HS3ST3A1: variants seen among roughly 807,000 people sequenced by gnomAD.
HS3ST3A1 encodes heparan sulfate glucosamine 3-O-sulfotransferase 3A1.
Under a neutral mutation model 25.7 loss-of-function variants are expected in HS3ST3A1, and 19 were observed. The observed-to-expected ratio is 0.74, with a 90% CI of 0.52 to 1.08. The LOEUF (loss-of-function observed/expected upper bound fraction) is 1.08. Ranked by LOEUF, HS3ST3A1 falls within the 50% of genes least tolerant of loss-of-function variation. The probability of loss-of-function intolerance (pLI) is 0.00; values close to 1 mark genes in which losing one functional copy is unlikely to be tolerated. For missense variants in HS3ST3A1, 459 were observed against 594.3 expected (o/e 0.77, Z 2.37); for synonymous variants, 226 against 278.6 (o/e 0.81, Z 1.88).
At chr17:13,569,098 T>C (rs1907741791) in intron 1 of HS3ST3A1, among the ~76,000 whole-genome samples, 1 of 152,160 alleles carries the variant, frequency 6.6e-6, no homozygotes, top group Non-Finnish European at 1.5e-5. Context: ...GCTTTATGTA[T>C]AGGCATGGTT....
rs375335194 is a variant in HS3ST3A1, at chr17:13,522,971, A to G, written c.600-26153T>C. Among the ~76,000 whole-genome samples the G allele has an allele frequency of 2.4e-4, 36 of 152,108 alleles. 1 individual carries two copies. Among genetic ancestry groups the G allele is most frequent in the African/African-American group, 8.7e-4 (36 of 41,426 alleles). ...GAAGTGGAGCTTTATCCAGAGTGGT[A>G]AAGCTAAAACAGACAGCTAGGGTGA... On this transcript the variant is annotated intron_variant, in intron 1 of 1. Coordinates refer to ENST00000284110, the MANE Select transcript of HS3ST3A1 (RefSeq NM_006042.3).
chr17:13,592,618 G>T (rs1392407540), intron 1 of HS3ST3A1, among the ~76,000 whole-genome samples: 1 of 152,310 alleles, frequency 6.6e-6, no homozygotes, highest in Non-Finnish European at 1.5e-5. Context: ...ATCCAATAAA[G>T]ATAAGTGAAT....
At chr17:13,578,053 G>A (rs1222310173) in intron 1 of HS3ST3A1, among the ~76,000 whole-genome samples, 2 of 152,042 alleles carry the variant, frequency 1.3e-5, no homozygotes, top group African/African-American at 4.8e-5. Flanking sequence ...CATTTTTTCT[G>A]CTGAGAAGTT....
chr17:13,533,455 AC>A (rs368122400), intron 1 of HS3ST3A1, among the ~76,000 whole-genome samples: 153 of 139,722 alleles, frequency 1.1e-3, no homozygotes, highest in African/African-American at 3.8e-3. Flanking sequence ...GAGTTCCCAG[AC>A]CTTTAAAGGG....
intron 1 of HS3ST3A1, among the ~76,000 whole-genome samples, chr17:13,529,416 T>C (rs1319022997): frequency 6.6e-6 from 1 of 152,118 alleles, no homozygotes; most frequent in Non-Finnish European, 1.5e-5. Context: ...AGACCATCCA[T>C]CCTAAGGAAG....
intron 1 of HS3ST3A1, among the ~76,000 whole-genome samples, chr17:13,561,552 C>T (rs921763087): frequency 2.6e-5 from 4 of 152,074 alleles, no homozygotes; most frequent in African/African-American, 7.2e-5. Flanking sequence ...TATTACCATG[C>T]CCTGCTAATT....
At chr17:13,564,501 C>T (rs1056358511) in intron 1 of HS3ST3A1, among the ~76,000 whole-genome samples, 1 of 152,138 alleles carries the variant, frequency 6.6e-6, no homozygotes, top group African/African-American at 2.4e-5. Flanking sequence ...CTACACACAT[C>T]CTCCTGTATA....
intron 1 of HS3ST3A1, among the ~76,000 whole-genome samples, chr17:13,525,202 T>C (rs1202134675): frequency 6.6e-6 from 1 of 152,228 alleles, no homozygotes; most frequent in Non-Finnish European, 1.5e-5. Context: ...TCACAGATTC[T>C]TATTCCTCCT....
At chr17:13,569,563 C>A (rs149956059) in intron 1 of HS3ST3A1, among the ~76,000 whole-genome samples, 1 of 152,336 alleles carries the variant, frequency 6.6e-6, no homozygotes, top group Non-Finnish European at 1.5e-5. Flanking sequence ...ACAAAGCCTG[C>A]ATGAATCAGG....
At chr17:13,568,988 C>T (rs1907739101) in intron 1 of HS3ST3A1, among the ~76,000 whole-genome samples, 1 of 152,238 alleles carries the variant, frequency 6.6e-6, no homozygotes, top group African/African-American at 2.4e-5. Flanking sequence ...TGTCCAAAAG[C>T]CTACAGAGAG....
chr17:13,502,728 G>T (rs769319758), intron 1 of HS3ST3A1, among the ~76,000 whole-genome samples: 8 of 152,152 alleles, frequency 5.3e-5, no homozygotes, highest in Non-Finnish European at 1.2e-4. Context: ...CTTGGCATTT[G>T]CCTCTGGCTA....
intron 1 of HS3ST3A1, among the ~76,000 whole-genome samples, chr17:13,517,648 T>TTTA (rs1176389475): frequency 3.3e-5 from 5 of 152,190 alleles, no homozygotes; most frequent in African/African-American, 1.2e-4. Flanking sequence ...GTAAATTTAT[T>TTTA]TTATTATTAT....
intron 1 of HS3ST3A1, among the ~76,000 whole-genome samples, chr17:13,564,998 A>G (rs987053742): frequency 2.6e-5 from 4 of 152,138 alleles, no homozygotes; most frequent in African/African-American, 9.7e-5. Context: ...CTGGGATTAC[A>G]GACATGAGCC....
chr17:13,538,347 T>G (rs1906829719), intron 1 of HS3ST3A1, among the ~76,000 whole-genome samples: 1 of 152,256 alleles, frequency 6.6e-6, no homozygotes, highest in African/African-American at 2.4e-5. Context: ...ACAGAAGTGA[T>G]CTGACCATTT....
intron 1 of HS3ST3A1, among the ~76,000 whole-genome samples, chr17:13,498,716 C>A (rs1325046607): frequency 6.6e-6 from 1 of 152,128 alleles, no homozygotes; most frequent in Non-Finnish European, 1.5e-5. Flanking sequence ...CCCTTTTTGT[C>A]CAGTCATATT....
At chr17:13,582,240 T>G (rs113493945) in intron 1 of HS3ST3A1, among the ~76,000 whole-genome samples, 21 of 152,228 alleles carry the variant, frequency 1.4e-4, no homozygotes, top group African/African-American at 4.6e-4. Flanking sequence ...AAAAGAACTT[T>G]CTGTTTTCAA....
At chr17:13,532,856 TACAC>T (rs1906646249) in intron 1 of HS3ST3A1, among the ~76,000 whole-genome samples, 1 of 137,172 alleles carries the variant, frequency 7.3e-6, no homozygotes, top group Admixed American at 7.9e-5. Flanking sequence ...TGGTTATGGT[TACAC>T]ACACACAAAT....
At chr17:13,543,335 A>G (rs1490260816) in intron 1 of HS3ST3A1, among the ~76,000 whole-genome samples, 1 of 152,150 alleles carries the variant, frequency 6.6e-6, no homozygotes, top group Non-Finnish European at 1.5e-5. Context: ...ACTGAATTGA[A>G]TAAGACACCC....
chr17:13,568,295 A>G (rs73296171), intron 1 of HS3ST3A1, among the ~76,000 whole-genome samples: 7,654 of 152,292 alleles, frequency 0.05, 423 homozygotes, highest in East Asian at 0.13. Context: ...GCATAAACAT[A>G]ACTTTTATAC....
Sources: allele counts gnomAD v4.1 joint callset (sites outside exome capture counted in the v4.1 genomes callset), GRCh38; gene constraint gnomAD v4.1.1; transcripts MANE v1.5; gene names NCBI Gene and HGNC (gene_info 2026-07-23, HGNC 2026-07-21).